Variants in KCNN2 observed in about 807,000 individuals in gnomAD.
KCNN2 encodes small conductance calcium-activated potassium channel protein 2.
In KCNN2, 24 loss-of-function variants were observed where a neutral mutation model predicts 55.5. The observed-to-expected ratio is 0.43, with a 90% confidence interval of 0.31 to 0.61. The LOEUF (loss-of-function observed/expected upper bound fraction) is 0.61, where lower values mean the gene tolerates loss of function less well. Among genes scored for constraint, KCNN2 ranks in the 20% least tolerant of loss-of-function variants. The pLI is 0.08. For missense variants in KCNN2, 754 were observed against 853.6 expected, an observed-to-expected ratio of 0.88 and a Z score of 1.45; for synonymous variants, 431 against 336.1, an observed-to-expected ratio of 1.28 and a Z score of -3.09.
At chr5:114,189,098 G>A (rs1015254498) in intron 1 of KCNN2, among the ~76,000 whole-genome samples, 2 of 151,708 alleles carry the variant, frequency 1.3e-5, no homozygotes, top group Non-Finnish European at 2.9e-5. Flanking sequence ...TACTAATAAC[G>A]GCTGTACTAG....
chr5:114,068,586 TCA>T (rs1250946332), intron 1 of KCNN2, among the ~76,000 whole-genome samples: 3 of 152,206 alleles, frequency 2.0e-5, no homozygotes, highest in Non-Finnish European at 4.4e-5. Flanking sequence ...CACATAGCAC[TCA>T]CTGATAAGGT....
chr5:114,274,575 G>A (rs1040257448), intron 2 of KCNN2, among the ~76,000 whole-genome samples: 4 of 152,032 alleles, frequency 2.6e-5, no homozygotes, highest in East Asian at 1.9e-4. Flanking sequence ...GTATTCCTAG[G>A]TATTTTATTC....
At chr5:114,107,165 C>T (rs1237405907) in intron 1 of KCNN2, among the ~76,000 whole-genome samples, 1 of 152,096 alleles carries the variant, frequency 6.6e-6, no homozygotes, top group Non-Finnish European at 1.5e-5. Context: ...TTTCTCACTG[C>T]ACTGTAGTAG....
chr5:114,476,846 A>G (rs939289044), intron 5 of KCNN2, among the ~76,000 whole-genome samples: 8 of 152,370 alleles, frequency 5.3e-5, no homozygotes, highest in Non-Finnish European at 7.3e-5. Context: ...TCAACAAGGT[A>G]TAGGCAAATA....
intron 2 of KCNN2, among the ~76,000 whole-genome samples, chr5:114,331,726 G>T (rs1331375758): frequency 6.6e-6 from 1 of 152,146 alleles, no homozygotes; most frequent in African/African-American, 2.4e-5. Flanking sequence ...TCAGTCTATT[G>T]TTGGTTAACT....
intron 2 of KCNN2, among the ~76,000 whole-genome samples, chr5:114,314,686 G>A (rs1756464276): frequency 6.6e-6 from 1 of 152,058 alleles, no homozygotes; most frequent in South Asian, 2.1e-4. Context: ...CCACCAAAAA[G>A]TTATTGTACA....
intron 1 of KCNN2, among the ~76,000 whole-genome samples, chr5:114,169,665 C>T (rs1413576166): frequency 6.6e-6 from 1 of 152,032 alleles, no homozygotes; most frequent in Non-Finnish European, 1.5e-5. Context: ...GTTTTGGAAT[C>T]TGACAGGTCA....
At chr5:114,056,356 A>G in exon 1 of KCNN2, 1 of 398,564 alleles carries the variant, frequency 2.5e-6, no homozygotes, top group African/African-American at 2.1e-5. Context: ...TCAGATGGAA[A>G]CAGTTTCTCC....
chr5:114,172,351 A>G (rs1326722672), intron 1 of KCNN2, among the ~76,000 whole-genome samples: 1 of 151,836 alleles, frequency 6.6e-6, no homozygotes, highest in Non-Finnish European at 1.5e-5. Context: ...TCTAAGAATT[A>G]TACTATTACC....
chr5:114,199,028 T>C (rs1753616130), intron 1 of KCNN2, among the ~76,000 whole-genome samples: 1 of 152,150 alleles, frequency 6.6e-6, no homozygotes, highest in African/African-American at 2.4e-5. Context: ...GAGTGGGGTA[T>C]TAAAGTCCCC....
In KCNN2 at chr5:114,473,175, A is replaced by G; in HGVS notation, c.1890+11A>G. The stretch of plus-strand genomic sequence containing the variant: ...CAGCTGACTAAAAGAGTAAGTTACT[A>G]TCCATATATCTTCAAAGAGAATATT... On this transcript the variant is annotated intron_variant, in intron 5 of 7. Coordinates refer to ENST00000673685, the MANE Select transcript of KCNN2 (RefSeq NM_021614.4). 1.4e-6 allele frequency: 2 copies of G among 1,422,454 alleles called. No homozygotes were observed. Among genetic ancestry groups the G allele is most frequent in the South Asian group, 1.2e-5 (1 of 85,496 alleles). The allele number at this position is 1,422,454 out of a possible 1,614,324, so 88.1% of individuals were successfully genotyped here.
intron 3 of KCNN2, among the ~76,000 whole-genome samples, chr5:114,459,738 C>A (rs911751233): frequency 2.0e-5 from 3 of 152,122 alleles, no homozygotes; most frequent in Non-Finnish European, 2.9e-5. Context: ...GATAATTTAT[C>A]ATTGAATCCC....
At chr5:114,438,015 T>A (rs1760067622) in intron 3 of KCNN2, among the ~76,000 whole-genome samples, 1 of 150,478 alleles carries the variant, frequency 6.6e-6, no homozygotes, top group African/African-American at 2.5e-5. Context: ...AAAGCCCCAC[T>A]TTATCTACAC....
rs913893257 is a variant in KCNN2, at chr5:114,103,657, G to C, written c.-271+47157G>C. Among the ~76,000 whole-genome samples the C allele has an allele frequency of 2.6e-5, 4 of 152,176 alleles. 1 individual carries two copies. The South Asian group carries it at 8.3e-4, about 32-fold the overall frequency. ...GAAGGGGTGTTGAATTTTGTTGAAGGCCTTTTCTGCATGTATTGAGATAAT... is the reference window on the plus strand; with the variant it reads ...GAAGGGGTGTTGAATTTTGTTGAAGCCCTTTTCTGCATGTATTGAGATAAT... On this transcript the variant is annotated intron_variant, in intron 1 of 10. Coordinates refer to the KCNN2 transcript ENST00000512097.
intron 2 of KCNN2, among the ~76,000 whole-genome samples, chr5:114,247,566 C>T (rs1261878154): frequency 6.6e-6 from 1 of 152,184 alleles, no homozygotes; most frequent in Non-Finnish European, 1.5e-5. Context: ...TAAGTATCCA[C>T]TTTCAACTTA....
rs557017736 is a variant in KCNN2, at chr5:114,452,405, C to T, written c.1638-10644C>T. Among the ~76,000 whole-genome samples, 43 of 152,320 alleles carry T rather than the reference C, an allele frequency of 2.8e-4. 1 individual carries two copies. The South Asian group carries it at 8.5e-3, about 30-fold the overall frequency. ...TTACATCTGGTGTTCACATTTATTA[C>T]AGCTTGCATATTACCTTACTCCTTG... On this transcript the variant is annotated intron_variant, in intron 3 of 7. Coordinates refer to ENST00000673685, the MANE Select transcript of KCNN2 (RefSeq NM_021614.4).
At chr5:114,077,252 A>C (rs1192174699) in intron 1 of KCNN2, among the ~76,000 whole-genome samples, 1 of 152,224 alleles carries the variant, frequency 6.6e-6, no homozygotes, top group Non-Finnish European at 1.5e-5. Flanking sequence ...TTTCAGTGGA[A>C]ACTTACACCA....
intron 5 of KCNN2, among the ~76,000 whole-genome samples, chr5:114,482,693 G>A (rs1762279256): frequency 6.6e-6 from 1 of 152,260 alleles, no homozygotes. Flanking sequence ...ATAGTATACA[G>A]CCATAAAAAG....
rs1209841557 is a variant in KCNN2, at chr5:114,222,698, T to C, written c.-185+1133T>C. 4.6e-5 allele frequency among the ~76,000 whole-genome samples: 7 copies of C among 152,224 alleles called. No individual in the cohort carries two copies. The East Asian group carries it at 7.7e-4, about 17-fold the overall frequency. ...GTTTGTTTTTACCATAAGACAGTGA[T>C]TAAAAAAAAGAAGCTGAATGAGACA... On this transcript the variant is annotated intron_variant, in intron 2 of 10. Coordinates refer to the KCNN2 transcript ENST00000512097.
Sources: gnomAD v4.1 joint callset for allele counts (sites outside exome capture counted in the v4.1 genomes callset) on GRCh38, gnomAD v4.1.1 for gene constraint, MANE v1.5 for transcripts, NCBI Gene and HGNC (gene_info 2026-07-23, HGNC 2026-07-21) for gene names.